PEX6: variants seen among roughly 807,000 people sequenced by gnomAD.
PEX6 encodes the protein peroxisomal biogenesis factor 6.
PEX6 carries 55 observed loss-of-function variants against 85.6 expected under a neutral mutation model. The ratio of observed to expected loss-of-function variants is 0.64; its 90% CI spans 0.52 to 0.80. PEX6 has a LOEUF of 0.80. Ranked by LOEUF, PEX6 falls within the 30% of genes least tolerant of loss-of-function variation. The probability of loss-of-function intolerance (pLI) is 0.00; values close to 1 mark genes in which losing one functional copy is unlikely to be tolerated. For missense variants in PEX6, 1,099 were observed against 1,260.3 expected, an observed-to-expected ratio of 0.87 and a Z score of 1.94; for synonymous variants, 519 against 549.1, an observed-to-expected ratio of 0.95 and a Z score of 0.77.
chr6:42,974,043 G>C lies in PEX6; in HGVS notation c.1090C>G (p.Gln364Glu). 1 of 1,614,002 alleles carries C rather than the reference G, an allele frequency of 6.2e-7. No individual in the cohort carries two copies. The highest frequency in any genetic ancestry group is 8.5e-7 in the Non-Finnish European group (1 of 1,179,934). Residue 364 changes from glutamine to glutamate, a missense_variant, in exon 3 of 17, where the codon CAA becomes GAA. By Grantham distance (29) the Gln-to-Glu change is conservative (BLOSUM62 2). This residue lies in a region of PEX6 where 579 missense variants were observed against 611.6 expected (regional missense o/e 0.95). Coordinates refer to ENST00000304611, the MANE Select transcript of PEX6 (RefSeq NM_000287.4). ...GGACTTCCTTCCAGGATCTCTACTTGCCCAATTGTTGGCACACATAGAACA... is the reference window on the plus strand; with the variant it reads ...GGACTTCCTTCCAGGATCTCTACTTCCCCAATTGTTGGCACACATAGAACA... ...GDVLCVPTIG[Q>E]VEILEGSPEK...
intron 2 of PEX6, among the ~76,000 whole-genome samples, chr6:42,974,460 T>TTG (rs1561827431): frequency 8.6e-5 from 12 of 139,392 alleles, no homozygotes; most frequent in Middle Eastern, 3.5e-3. Flanking sequence ...TGTTTTTTTT[T>TTG]TTTTTTTTTT....
rs750340608 is a variant in PEX6 at position 42,965,009 on chromosome 6, G to C, written c.2666+66C>G. ...CAGTGCTGACCAGCTCATCCTGCAT[G>C]TTGCATGCATCCCCTAAGCATCCCA... On this transcript the variant is annotated intron_variant, in intron 15 of 16. Coordinates refer to ENST00000304611, the MANE Select transcript of PEX6 (RefSeq NM_000287.4). This position sits in a 1 kb window ranked among gnomAD's most constrained non-coding sequence, Gnocchi z 5.0. 1.2e-6 allele frequency: 2 copies of C among 1,611,136 alleles called. No homozygotes were observed. Among genetic ancestry groups the C allele is most frequent in the Admixed American group, 3.3e-5 (2 of 60,018 alleles).
At position 42,965,683 on chromosome 6, in the gene PEX6, G is replaced by T; in HGVS notation, c.2469C>A (p.Asp823Glu). 6.2e-7 allele frequency: 1 copy of T among 1,609,346 alleles called. No homozygotes were observed. Among genetic ancestry groups the T allele is most frequent in the Non-Finnish European group, 8.5e-7 (1 of 1,175,674 alleles). The change falls in exon 13 of 17, where the codon GAC (aspartate) becomes GAA (glutamate). Residue 823 changes from aspartate (D) to glutamate (E), a missense_variant and splice_region_variant. Physicochemically the swap from Asp to Glu is conservative, Grantham distance 45 (BLOSUM62 2). This residue lies in a region of PEX6 where 514 missense variants were observed against 627.0 expected (regional missense o/e 0.82). Coordinates refer to ENST00000304611, the MANE Select transcript of PEX6 (RefSeq NM_000287.4). This position sits in a 1 kb window ranked among gnomAD's most constrained non-coding sequence, Gnocchi z 5.0. Reference protein sequence around the residue: ...GRSGDSGGVMDRVVSQLLAEL... With the variant: ...GRSGDSGGVMERVVSQLLAEL... ...TTCATTCCCACTCAGACCCCTACCT[G>T]TCCATCACTCCTCCAGAATCTCCAC...
At position 42,974,451 on chromosome 6, in the gene PEX6, GTTTTTTTT is replaced by G. The variant is rs541877938; in HGVS notation, c.1047-373_1047-366del. 4.0e-3 allele frequency among the ~76,000 whole-genome samples: 247 copies of G among 61,032 alleles called. 1 individual carries two copies. The highest frequency in any genetic ancestry group is 0.013 in the African/African-American group (236 of 18,648). The allele number at this position is 61,032 out of a possible 152,430, so 40.0% of individuals were successfully genotyped here. The stretch of plus-strand genomic sequence containing the variant: ...ACAATCTGTCTGAAATGTTTTTTTT[GTTTTTTTT>G]TTTTTTTTTTTTTTTTGAGACGGAG... On this transcript the variant is annotated intron_variant, in intron 2 of 16. Coordinates refer to ENST00000304611, the MANE Select transcript of PEX6 (RefSeq NM_000287.4).
chr6:42,973,977 C>T, intron 3 of PEX6, 26 bp downstream of exon 3: 1 of 1,545,680 alleles, frequency 6.5e-7, no homozygotes, highest in Non-Finnish European at 8.9e-7. Context: ...CAAATCCCAG[C>T]TGTAGGACAG....
rs1207697690 is a variant in PEX6, at chr6:42,965,250, A to G, written c.2588+2T>C. 2 of 1,612,760 alleles carry G rather than the reference A, an allele frequency of 1.2e-6. No homozygotes were observed. Among genetic ancestry groups the G allele is most frequent in the Non-Finnish European group, 1.7e-6 (2 of 1,178,712 alleles). ...TGGAGATGAGCAGTACAAGGGGCCC[A>G]CCTGCCAGGCCGCAGAAGGGCAGGG... On this transcript the variant is annotated splice_donor_variant, in intron 14 of 16. Transcript: ENST00000304611. LOFTEE classifies it high-confidence loss of function. This position sits in a 1 kb window ranked among gnomAD's most constrained non-coding sequence, Gnocchi z 5.0.
chr6:42,964,554 C>T lies in PEX6; in HGVS notation c.2807-83G>A. On this transcript the variant is annotated intron_variant, in intron 16 of 16. Transcript: ENST00000304611. This position sits in a 1 kb window ranked among gnomAD's most constrained non-coding sequence, Gnocchi z 4.6. ...GAAGGTGGCTTCCTGCTCAGGGTCT[C>T]CTAGATGTCAATGATCTTCCCTCTG... The T allele has an allele frequency of 6.6e-7, 1 of 1,517,586 alleles. No homozygotes were observed. Among genetic ancestry groups the T allele is most frequent in the East Asian group, 2.3e-5 (1 of 44,408 alleles). The allele number at this position is 1,517,586 out of a possible 1,614,324, so 94.0% of individuals were successfully genotyped here.
chr6:42,978,006 G>A (rs1003457022), intron 1 of PEX6, among the ~76,000 whole-genome samples: 1 of 151,676 alleles, frequency 6.6e-6, no homozygotes, highest in African/African-American at 2.4e-5. Flanking sequence ...ACCACGCCCG[G>A]CTAATTTTAC....
chr6:42,973,928 T>C (rs1009924942), intron 3 of PEX6, 75 bp downstream of exon 3: 1 of 988,572 alleles, frequency 1.0e-6, no homozygotes, highest in Non-Finnish European at 1.6e-6. Context: ...TACACATGAT[T>C]TGCAGGGAGG....
chr6:42,966,897 G>A, intron 8 of PEX6, 39 bp from the exon 9 acceptor site: 1 of 1,540,034 alleles, frequency 6.5e-7, no homozygotes, highest in Non-Finnish European at 8.9e-7. Context: ...GCAGGGCACA[G>A]TAGGCAGGAA....
chr6:42,965,988 G>T lies in PEX6; in HGVS notation c.2362+56C>A. 6.4e-7 allele frequency: 1 copy of T among 1,569,162 alleles called. No homozygotes were observed. The highest frequency in any genetic ancestry group is 1.1e-5 in the South Asian group (1 of 90,202). ...GTAGCCTGGGAGTAGGGGGTGGCTT[G>T]GGGGCCATCGGGGTTTGGGAAGCAT... On this transcript the variant is annotated intron_variant, in intron 12 of 16. Transcript: ENST00000304611. The surrounding 1 kb of genome is among the most constrained non-coding windows in gnomAD (Gnocchi z 5.0).
At chr6:42,974,163 G>A (rs1224122054) in intron 2 of PEX6, 77 bp from the exon 3 acceptor site, 5 of 1,059,612 alleles carry the variant, frequency 4.7e-6, no homozygotes, top group East Asian at 2.4e-5. Context: ...GTCCACCCCC[G>A]ACATGCAGAC....
At position 42,965,305 on chromosome 6, in the gene PEX6, A is replaced by G. The variant is rs2114237619; in HGVS notation, c.2535T>C (p.Ile845=). 8.1e-6 allele frequency: 13 copies of G among 1,614,200 alleles called. No individual in the cohort carries two copies. The highest frequency in any genetic ancestry group is 1.1e-5 in the Non-Finnish European group (13 of 1,180,024). ...GGAGATCTGGTCTGTTGGTGGCTCC[A>G]ATCACAAACACATCCTGAGTGCTGT... ...GLHSTQDVFV[I]GATNRPDLLD... is the part of the protein sequence containing the mutation. Residue 845 remains isoleucine, a synonymous_variant, in exon 14 of 17, where the codon ATT becomes ATC. Coordinates refer to ENST00000304611, the MANE Select transcript of PEX6 (RefSeq NM_000287.4). The surrounding 1 kb of genome is among the most constrained non-coding windows in gnomAD (Gnocchi z 5.0).
intron 3 of PEX6, among the ~76,000 whole-genome samples, chr6:42,973,251 A>C (rs1034192908): frequency 5.9e-5 from 9 of 151,880 alleles, no homozygotes; most frequent in African/African-American, 2.2e-4. Flanking sequence ...ACCTCAAGTG[A>C]TCTGCCTGCC....
At chr6:42,966,206 G>T (rs369613207) in intron 11 of PEX6, 36 bp downstream of exon 11, 21 of 1,610,110 alleles carry the variant, frequency 1.3e-5, no homozygotes, top group Non-Finnish European at 1.6e-5. Flanking sequence ...TGCAGCCCCT[G>T]ATCCACCCAC....
At chr6:42,969,050 C>T in intron 5 of PEX6, 65 bp from the exon 6 acceptor site, 1 of 1,075,768 alleles carries the variant, frequency 9.3e-7, no homozygotes, top group Admixed American at 1.7e-5. Context: ...CCCAGTAACA[C>T]AAGATCCCTT....
Position 42,965,860 on chromosome 6 carries a change from G to T in PEX6, c.2363-71C>A. ...GGGGGTTGAAGTTAGGTGAGAGCAG[G>T]GAGGGAAACTGGGGCCTGACAATAC... is the stretch of plus-strand genomic sequence containing the variant. On this transcript the variant is annotated intron_variant, in intron 12 of 16. Coordinates refer to ENST00000304611, the MANE Select transcript of PEX6 (RefSeq NM_000287.4). This position sits in a 1 kb window ranked among gnomAD's most constrained non-coding sequence, Gnocchi z 5.0. The T allele has an allele frequency of 7.0e-7, 1 of 1,418,658 alleles. No individual in the cohort carries two copies. The highest frequency in any genetic ancestry group is 1.7e-5 in the Admixed American group (1 of 59,772). 87.9% of individuals were successfully genotyped at this position (1,418,658 alleles called of 1,614,324 possible).
chr6:42,969,835 A>C, intron 4 of PEX6, 34 bp from the exon 5 acceptor site: 1 of 1,613,956 alleles, frequency 6.2e-7, no homozygotes, highest in Middle Eastern at 1.7e-4. Flanking sequence ...TCGTTTCTAA[A>C]AATCGTTTCT....
chr6:42,976,271 T>C (rs978549124), intron 1 of PEX6, among the ~76,000 whole-genome samples: 1 of 152,234 alleles, frequency 6.6e-6, no homozygotes, highest in Non-Finnish European at 1.5e-5. Context: ...ACAAAGTGGC[T>C]GGTGGCTTCC....
Sources: allele counts gnomAD v4.1 joint callset (sites outside exome capture counted in the v4.1 genomes callset), GRCh38; gene constraint gnomAD v4.1.1; regional missense constraint gnomAD v4.1.1; non-coding constraint Gnocchi (gnomAD v3.1); transcripts MANE v1.5; gene names NCBI Gene and HGNC (gene_info 2026-07-23, HGNC 2026-07-21).